ISM2: variants seen among roughly 807,000 people sequenced by gnomAD.
ISM2 encodes isthmin-2.
ISM2 carries 50 observed loss-of-function variants against 58.0 expected under a neutral mutation model. The observed-to-expected ratio is 0.86, with a 90% CI of 0.69 to 1.09. ISM2 has a LOEUF of 1.09. Among genes scored for constraint, ISM2 ranks in the 50% least tolerant of loss-of-function variants. The pLI is 0.00. For synonymous variants in ISM2, 303 were observed against 312.4 expected, an observed-to-expected ratio of 0.97 and a Z score of 0.32; for missense variants, 723 against 745.0, an observed-to-expected ratio of 0.97 and a Z score of 0.34.
chr14:77,494,446 G>A (rs554684205), intron 1 of ISM2, among the ~76,000 whole-genome samples: 12 of 151,836 alleles, frequency 7.9e-5, no homozygotes, highest in African/African-American at 2.7e-4. Context: ...TCCCAGGCTG[G>A]AGTGCAGTGG....
intron 1 of ISM2, among the ~76,000 whole-genome samples, chr14:77,486,410 C>T (rs972055107): frequency 2.0e-5 from 3 of 152,200 alleles, no homozygotes; most frequent in Admixed American, 6.5e-5. Flanking sequence ...GGGCCCATCT[C>T]GGCCCCAGCC....
Position 77,498,810 on chromosome 14 carries a change from C to T in ISM2, c.-17G>A. 1 of 1,399,862 alleles carries T rather than the reference C, an allele frequency of 7.1e-7. No homozygotes were observed. The highest frequency in any genetic ancestry group is 1.5e-5 in the South Asian group (1 of 64,674). The allele number at this position is 1,399,862 out of a possible 1,614,324, so 86.7% of individuals were successfully genotyped here. A position where few individuals can be genotyped will look rare whatever the true frequency, so the allele number is the denominator to read the frequency against. Reference sequence around the variant, plus strand: ...CGCACGCATCGTCTCGGTTCCGAGGCTGCTCTGCCTGCACCTCTGCACGCG... The same window carrying T: ...CGCACGCATCGTCTCGGTTCCGAGGTTGCTCTGCCTGCACCTCTGCACGCG... On this transcript the variant is annotated 5_prime_UTR_variant, in exon 1 of 7. Transcript: ENST00000342219.
Position 77,479,612 on chromosome 14 carries a change from G to C in ISM2, c.974-897C>G, listed in dbSNP as rs1253442537. Among the ~76,000 whole-genome samples, 3 of 152,148 alleles carry C rather than the reference G, an allele frequency of 2.0e-5. No homozygotes were observed. The South Asian group carries it at 6.2e-4, about 32-fold the overall frequency. ...TTGGTCAGGCTGGTCTCGAACCCCT[G>C]ACCTCATGATCCATCTACCTTGGCC... On this transcript the variant is annotated intron_variant, in intron 4 of 6. Transcript: ENST00000342219.
rs139025550 is a variant in ISM2 at position 77,496,594 on chromosome 14, C to A, written c.141+2059G>T. Among the ~76,000 whole-genome samples, 964 of 150,740 alleles carry A rather than the reference C, an allele frequency of 6.4e-3. 8 individuals carry two copies. The highest frequency in any genetic ancestry group is 0.023 in the African/African-American group (927 of 40,992). On this transcript the variant is annotated intron_variant, in intron 1 of 6. Transcript: ENST00000342219. ...GTCAGGAGTTCGAGACCAGCCAGTT[C>A]GAGACCAGCCTGGCCAACATGGTGA...
At position 77,482,593 on chromosome 14, in the gene ISM2, C is replaced by T. The variant is rs551295825; in HGVS notation, c.702G>A (p.Pro234=). 1.6e-5 allele frequency: 25 copies of T among 1,610,748 alleles called. No homozygotes were observed. Among genetic ancestry groups the T allele is most frequent in the East Asian group, 8.9e-5 (4 of 44,856 alleles). ...GCAGCCAGCTAAGGGTATCCTGGGG[C>T]GGGGGATTGCTGGGCTCAGCCAACA... The part of the protein sequence containing the change: ...IDLLAEPSNP[P]PQDTLSWLPA... The change falls in exon 4 of 7, where the codon CCG becomes CCA. Residue 234 remains proline, a synonymous_variant. Coordinates refer to ENST00000342219, the MANE Select transcript of ISM2 (RefSeq NM_199296.3).
intron 1 of ISM2, among the ~76,000 whole-genome samples, chr14:77,497,046 T>G (rs918158560): frequency 6.6e-6 from 1 of 151,724 alleles, no homozygotes; most frequent in Non-Finnish European, 1.5e-5. Flanking sequence ...CCTGCATGCC[T>G]ATATGGACCC....
chr14:77,478,127 G>T, intron 6 of ISM2, 115 bp downstream of exon 6: 1 of 832,340 alleles, frequency 1.2e-6, no homozygotes. Flanking sequence ...CCAGATGGAA[G>T]CTGTGCTCTC....
At chr14:77,495,393 G>T (rs998865788) in intron 1 of ISM2, among the ~76,000 whole-genome samples, 2 of 152,102 alleles carry the variant, frequency 1.3e-5, no homozygotes, top group African/African-American at 4.8e-5. Context: ...CATCCTCTAG[G>T]GTGTTCTTGT....
At position 77,475,631 on chromosome 14, in the gene ISM2, C is replaced by A. The variant is rs759354654; in HGVS notation, c.1680G>T (p.Glu560Asp). ...RACTDNPLEE[E>D]YLAQLQEAKE... is the part of the protein sequence containing the mutation. Reference sequence around the variant, plus strand: ...TGGCCTCCTGCAACTGTGCTAGGTACTCCTCCTCCAGGGGGTTGTCGGTGC... The same window carrying A: ...TGGCCTCCTGCAACTGTGCTAGGTAATCCTCCTCCAGGGGGTTGTCGGTGC... Residue 560 changes from glutamate to aspartate, a missense_variant, in exon 7 of 7, where the codon GAG becomes GAT. Transcript: ENST00000342219. The surrounding 1 kb of genome is among the most constrained non-coding windows in gnomAD (Gnocchi z 4.1). 1 of 1,607,246 alleles carries A rather than the reference C, an allele frequency of 6.2e-7. No homozygotes were observed. Among genetic ancestry groups the A allele is most frequent in the South Asian group, 1.1e-5 (1 of 89,672 alleles).
intron 1 of ISM2, among the ~76,000 whole-genome samples, chr14:77,496,455 T>C (rs2079241234): frequency 6.7e-6 from 1 of 148,372 alleles, no homozygotes; most frequent in East Asian, 2.0e-4. Context: ...GCCATTGCAC[T>C]CCAGTCTGGG....
At chr14:77,484,127 G>T in intron 3 of ISM2, 196 bp downstream of exon 3, 1 of 640,898 alleles carries the variant, frequency 1.6e-6, no homozygotes, top group Non-Finnish European at 2.6e-6. Flanking sequence ...CTTGCCCAAG[G>T]CCCACAGCTA....
intron 6 of ISM2, 149 bp downstream of exon 6, chr14:77,478,093 C>A: frequency 1.4e-6 from 1 of 691,218 alleles, no homozygotes; most frequent in Admixed American, 2.4e-5. Context: ...AATGCCAGGG[C>A]CCCCTGTTGG....
At position 77,475,102 on chromosome 14, in the gene ISM2, C is replaced by G. The variant is rs114329437; in HGVS notation, c.*493G>C. On this transcript the variant is annotated 3_prime_UTR_variant, in exon 7 of 7. Coordinates refer to ENST00000342219, the MANE Select transcript of ISM2 (RefSeq NM_199296.3). This position sits in a 1 kb window ranked among gnomAD's most constrained non-coding sequence, Gnocchi z 4.1. ...CCAGAGATAAGGAGGGGTGGCCACC[C>G]AGGCTGGATGCCCCCCCCGGCAAAG... 1 of 45,926 alleles carries G rather than the reference C, an allele frequency of 2.2e-5. No individual in the cohort carries two copies. Among genetic ancestry groups the G allele is most frequent in the Admixed American group, 3.6e-4 (1 of 2,750 alleles). The allele number at this position is 45,926 out of a possible 1,614,324, so 2.8% of individuals were successfully genotyped here.
intron 6 of ISM2, 73 bp downstream of exon 6, chr14:77,478,169 T>C: frequency 8.0e-7 from 1 of 1,257,368 alleles, no homozygotes; most frequent in Non-Finnish European, 1.1e-6. Flanking sequence ...GTTCCTGCCA[T>C]GGAATAATAC....
rs1315924417 is a variant in ISM2, at chr14:77,478,578, G to C, written c.1111C>G (p.Pro371Ala). ...CAGGGGTAGGGGCTCATCTCACCAG[G>C]ACAGGAGGGCAGGTCACAGGTACGG... Reference protein sequence around the residue: ...ETRTCDLPSCPGTEDKDTLGL... With the variant: ...ETRTCDLPSCAGTEDKDTLGL... The change falls in exon 5 of 7, where the codon CCT (proline) becomes GCT (alanine). Residue 371 changes from proline (P) to alanine (A), a missense_variant. By Grantham distance (27) the Pro-to-Ala change is conservative. Coordinates refer to ENST00000342219, the MANE Select transcript of ISM2 (RefSeq NM_199296.3). 2 of 1,612,512 alleles carry C rather than the reference G, an allele frequency of 1.2e-6. No individual in the cohort carries two copies. The highest frequency in any genetic ancestry group is 8.5e-7 in the Non-Finnish European group (1 of 1,179,072).
Position 77,478,622 on chromosome 14 carries a change from C to A in ISM2, c.1067G>T (p.Gly356Val). The change falls in exon 5 of 7, where the codon GGC becomes GTC. Residue 356 changes from glycine (G) to valine (V), a missense_variant. Coordinates refer to ENST00000342219, the MANE Select transcript of ISM2 (RefSeq NM_199296.3). ...KQQRTRPCGY[G>V]CTATETRTCD... ...GGTACGGGTCTCGGTGGCAGTGCAGCCATAGCCACAGGGCCGAGTCCTCTG... is the reference window on the plus strand; with the variant it reads ...GGTACGGGTCTCGGTGGCAGTGCAGACATAGCCACAGGGCCGAGTCCTCTG... 6.2e-7 allele frequency: 1 copy of A among 1,612,432 alleles called. No individual in the cohort carries two copies.
At chr14:77,498,207 T>G (rs2079259674) in intron 1 of ISM2, 1 of 1,258,892 alleles carries the variant, frequency 7.9e-7, no homozygotes, top group African/African-American at 1.5e-5. Context: ...TCCGCTTGTC[T>G]CATGGAAGGG....
chr14:77,482,728 C>T lies in ISM2; in HGVS notation c.628-61G>A, dbSNP rs909192993. The T allele has an allele frequency of 3.7e-6, 4 of 1,071,566 alleles. No homozygotes were observed. The South Asian group carries it at 4.7e-5, about 12-fold the overall frequency. The allele number at this position is 1,071,566 out of a possible 1,614,324, so 66.4% of individuals were successfully genotyped here. A position where few individuals can be genotyped will look rare whatever the true frequency, so the allele number is the denominator to read the frequency against. Reference sequence around the variant, plus strand: ...GTCTTAGAGCTGCATTCCAAAGAGACGAGGGATGATGGGGTCAGGGTCAGA... The same window carrying T: ...GTCTTAGAGCTGCATTCCAAAGAGATGAGGGATGATGGGGTCAGGGTCAGA... On this transcript the variant is annotated intron_variant, in intron 3 of 6. Transcript: ENST00000342219.
chr14:77,478,464 T>C (rs567833788), intron 5 of ISM2, 111 bp downstream of exon 5: 1 of 1,472,618 alleles, frequency 6.8e-7, no homozygotes, highest in South Asian at 1.2e-5. Flanking sequence ...ACCACCATGT[T>C]TTTGAGCTTC....
Sources: allele counts gnomAD v4.1 joint callset (sites outside exome capture counted in the v4.1 genomes callset), GRCh38; gene constraint gnomAD v4.1.1; non-coding constraint Gnocchi (gnomAD v3.1); transcripts MANE v1.5; gene names NCBI Gene and HGNC (gene_info 2026-07-23, HGNC 2026-07-21).